The following RARA variants were observed in gnomAD, a reference collection of about 807,000 sequenced individuals.
RARA encodes the protein PML-DDX5-RARA fusion.
Under a neutral mutation model 42.8 loss-of-function variants are expected in RARA, and 5 were observed. The observed-to-expected ratio is 0.12, with a 90% CI of 0.06 to 0.25. The LOEUF is 0.25. RARA is among the 10% of genes least tolerant of loss of function. The pLI is 1.00. For synonymous variants in RARA, 256 were observed against 259.5 expected, an observed-to-expected ratio of 0.99 and a Z score of 0.13; for missense variants, 402 against 628.7, an observed-to-expected ratio of 0.64 and a Z score of 3.86.
Position 40,351,057 on chromosome 17 carries a change from A to G in RARA, c.470-853A>G, listed in dbSNP as rs2034427105. 6.6e-6 allele frequency among the ~76,000 whole-genome samples: 1 copy of G among 151,904 alleles called. No homozygotes were observed. Among genetic ancestry groups the G allele is most frequent in the African/African-American group, 2.4e-5 (1 of 41,324 alleles). On this transcript the variant is annotated intron_variant, in intron 4 of 8. Transcript: ENST00000254066. This position sits in a 1 kb window ranked among gnomAD's most constrained non-coding sequence, Gnocchi z 4.1. ...GGAGCTGAGCAGCTGCCATTTCAAT[A>G]GAATTAAAGCTTCCGAATGATAAAC...
At chr17:40,342,540 A>G in intron 2 of RARA, 2 of 1,315,870 alleles carry the variant, frequency 1.5e-6, no homozygotes, top group Non-Finnish European at 1.9e-6. Flanking sequence ...GCGGACTTAG[A>G]CGCGGGGACT....
chr17:40,338,922 G>C (rs1490876304), intron 2 of RARA, among the ~76,000 whole-genome samples: 6 of 152,164 alleles, frequency 3.9e-5, no homozygotes, highest in Non-Finnish European at 5.9e-5. Flanking sequence ...GGAGGCTGAG[G>C]CATGAGAATT....
In RARA at chr17:40,355,324, G is replaced by T; in HGVS notation, c.1074G>T (p.Ala358=). ...VDMLQEPLLE[A]LKVYVRKRRP... ...TGCTGCAGGAGCCGCTGCTGGAGGC[G>T]CTAAAGGTCTACGTGCGGAAGCGGA... The change falls in exon 8 of 9, where the codon GCG becomes GCT. Residue 358 remains alanine, a synonymous_variant. Coordinates refer to ENST00000254066, the MANE Select transcript of RARA (RefSeq NM_000964.4). This position sits in a 1 kb window ranked among gnomAD's most constrained non-coding sequence, Gnocchi z 4.1. 1 of 1,610,194 alleles carries T rather than the reference G, an allele frequency of 6.2e-7. No individual in the cohort carries two copies. The highest frequency in any genetic ancestry group is 8.5e-7 in the Non-Finnish European group (1 of 1,178,252).
chr17:40,329,733 C>T (rs796513420), intron 1 of RARA, among the ~76,000 whole-genome samples: 1 of 152,198 alleles, frequency 6.6e-6, no homozygotes, highest in African/African-American at 2.4e-5. Context: ...GGATTACAGG[C>T]GTGAGCCACC....
chr17:40,345,779 C>A lies in RARA; in HGVS notation c.179-2537C>A, dbSNP rs945297744. Among the ~76,000 whole-genome samples the A allele has an allele frequency of 3.3e-5, 5 of 152,226 alleles. No homozygotes were observed. Among genetic ancestry groups the A allele is most frequent in the African/African-American group, 1.2e-4 (5 of 41,452 alleles). The stretch of plus-strand genomic sequence containing the variant: ...TCCCCCGTTGGTGTCCCTCCCCACT[C>A]CACCTGTGTGTGCAGGGAGTTATGG... On this transcript the variant is annotated intron_variant, in intron 2 of 8. Coordinates refer to ENST00000254066, the MANE Select transcript of RARA (RefSeq NM_000964.4). This position sits in a 1 kb window ranked among gnomAD's most constrained non-coding sequence, Gnocchi z 4.8.
At position 40,354,144 on chromosome 17, in the gene RARA, C is replaced by T. The variant is rs976661774; in HGVS notation, c.808-158C>T. 1.3e-5 allele frequency among the ~76,000 whole-genome samples: 2 copies of T among 152,314 alleles called. No individual in the cohort carries two copies. The highest frequency in any genetic ancestry group is 2.1e-4 in the South Asian group (1 of 4,824). On this transcript the variant is annotated intron_variant, in intron 6 of 8. Coordinates refer to ENST00000254066, the MANE Select transcript of RARA (RefSeq NM_000964.4). The surrounding 1 kb of genome is among the most constrained non-coding windows in gnomAD (Gnocchi z 4.5). The stretch of plus-strand genomic sequence containing the variant: ...GTGGCTGAGGTATGGATGGTGCAGA[C>T]GTAGAACCTTTCCATCATTGTAGAA...
Position 40,356,863 on chromosome 17 carries a change from CG to C in RARA, c.*642del. 6.4e-6 allele frequency: 1 copy of C among 155,308 alleles called. No homozygotes were observed. Among genetic ancestry groups the C allele is most frequent in the Non-Finnish European group, 1.2e-5 (1 of 81,094 alleles). The allele number at this position is 155,308 out of a possible 1,614,324, so 9.6% of individuals were successfully genotyped here. ...GATCCAGAGCTGGAGGGGGTGGGTC[CG>C]GGGGAGGGAGTGGCTCGGAAGGGGC... On this transcript the variant is annotated 3_prime_UTR_variant, in exon 9 of 9. Transcript: ENST00000254066.
chr17:40,355,414 C>T lies in RARA; in HGVS notation c.1164C>T (p.Ser388=), dbSNP rs763804925. ...LMKITDLRSI[S]AKGAERVITL... is the part of the protein sequence containing the mutation. ...AGATTACTGACCTGCGAAGCATCAG[C>T]GCCAAGGGTGAGGCTCACAGACCTG... The change falls in exon 8 of 9, where the codon AGC becomes AGT. Residue 388 remains serine, a synonymous_variant. Coordinates refer to ENST00000254066, the MANE Select transcript of RARA (RefSeq NM_000964.4). This position sits in a 1 kb window ranked among gnomAD's most constrained non-coding sequence, Gnocchi z 4.1. 1.3e-5 allele frequency: 21 copies of T among 1,613,462 alleles called. No homozygotes were observed. The highest frequency in any genetic ancestry group is 3.3e-4 in the Middle Eastern group (2 of 6,056).
Position 40,357,345 on chromosome 17 carries a change from AAC to A in RARA, c.*1130_*1131del, listed in dbSNP as rs900889212. 6.0e-5 allele frequency: 14 copies of A among 232,026 alleles called. No homozygotes were observed. Among genetic ancestry groups the A allele is most frequent in the East Asian group, 2.4e-4 (4 of 16,420 alleles). The allele number at this position is 232,026 out of a possible 1,614,324, so 14.4% of individuals were successfully genotyped here. A position where few individuals can be genotyped will look rare whatever the true frequency, so the allele number is the denominator to read the frequency against. ...ACACATGCGCGTGCGCACACACACA[AAC>A]ACACACACACTGGACAGTAGATGGG... On this transcript the variant is annotated 3_prime_UTR_variant, in exon 9 of 9. Coordinates refer to ENST00000254066, the MANE Select transcript of RARA (RefSeq NM_000964.4).
intron 1 of RARA, among the ~76,000 whole-genome samples, chr17:40,315,148 A>G (rs1353410814): frequency 2.5e-4 from 32 of 128,560 alleles, no homozygotes; most frequent in Middle Eastern, 3.9e-3. Flanking sequence ...ATATATATAT[A>G]TATATATATA....
intron 2 of RARA, chr17:40,341,042 A>G: frequency 2.5e-6 from 1 of 400,594 alleles, no homozygotes; most frequent in South Asian, 1.2e-4. Flanking sequence ...TAGCATGTAC[A>G]TTTCCATCCT....
In RARA at chr17:40,348,389, C is replaced by A. The variant is rs966051780; in HGVS notation, c.252C>A (p.Ile84=). ...CCTCGCCACCCCCTCTACCCCGCATCTACAAGCCTTGCTTTGTCTGTCAGG... is the reference window on the plus strand; with the variant it reads ...CCTCGCCACCCCCTCTACCCCGCATATACAAGCCTTGCTTTGTCTGTCAGG... The part of the protein sequence containing the change: ...SPPSPPPLPR[I]YKPCFVCQDK... Residue 84 remains isoleucine (I), a synonymous_variant, in exon 3 of 9, where the codon ATC becomes ATA. Transcript: ENST00000254066. The A allele has an allele frequency of 1.2e-6, 2 of 1,613,806 alleles. No homozygotes were observed. Among genetic ancestry groups the A allele is most frequent in the Non-Finnish European group, 1.7e-6 (2 of 1,179,830 alleles).
chr17:40,356,157 G>A lies in RARA; in HGVS notation c.1320G>A (p.Pro440=), dbSNP rs758066997. 3.5e-5 allele frequency: 54 copies of A among 1,552,406 alleles called. No homozygotes were observed. The highest frequency in any genetic ancestry group is 9.5e-5 in the African/African-American group (7 of 73,552). Residue 440 remains proline, a synonymous_variant, in exon 9 of 9, where the codon CCG becomes CCA. Coordinates refer to ENST00000254066, the MANE Select transcript of RARA (RefSeq NM_000964.4). ...GGGACGGGGGTGGCCTGGCCCCCCC[G>A]CCAGGCAGCTGTAGCCCCAGCCTCA... is the stretch of plus-strand genomic sequence containing the variant. ...GGRDGGGLAP[P]PGSCSPSLSP...
chr17:40,328,324 G>T (rs1436741322), intron 1 of RARA, among the ~76,000 whole-genome samples: 1 of 152,082 alleles, frequency 6.6e-6, no homozygotes, highest in Admixed American at 6.5e-5. Flanking sequence ...AGCTTGGGGT[G>T]GAGTGGCAAG....
In RARA at chr17:40,349,838, A is replaced by G; in HGVS notation, c.382A>G (p.Lys128Glu). ...CATGGTGTACACGTGTCACCGGGAC[A>G]AGAACTGCATCATCAACAAGGTGAC... ...KNMVYTCHRDKNCIINKVTRN... is the reference protein window; with the variant it reads ...KNMVYTCHRDENCIINKVTRN... Residue 128 changes from lysine to glutamate, a missense_variant, in exon 4 of 9, where the codon AAG (lysine) becomes GAG (glutamate). Coordinates refer to ENST00000254066, the MANE Select transcript of RARA (RefSeq NM_000964.4). 2 of 1,614,236 alleles carry G rather than the reference A, an allele frequency of 1.2e-6. No homozygotes were observed. The highest frequency in any genetic ancestry group is 1.7e-6 in the Non-Finnish European group (2 of 1,180,042).
chr17:40,331,658 G>A (rs370400668), intron 2 of RARA, among the ~76,000 whole-genome samples: 21 of 152,182 alleles, frequency 1.4e-4, no homozygotes, highest in Non-Finnish European at 2.2e-4. Flanking sequence ...AGTGGCCCTC[G>A]CACCCCTCTT....
chr17:40,331,533 C>G, intron 2 of RARA, 137 bp downstream of exon 2: 1 of 1,112,468 alleles, frequency 9.0e-7, no homozygotes, highest in Non-Finnish European at 1.2e-6. Flanking sequence ...GTTGGGGTGA[C>G]CATCATTTGA....
At position 40,351,379 on chromosome 17, in the gene RARA, G is replaced by A. The variant is rs943865593; in HGVS notation, c.470-531G>A. On this transcript the variant is annotated intron_variant, in intron 4 of 8. Coordinates refer to ENST00000254066, the MANE Select transcript of RARA (RefSeq NM_000964.4). This position sits in a 1 kb window ranked among gnomAD's most constrained non-coding sequence, Gnocchi z 4.1. ...TGGTGTGTGCGGCTCAGCGCCCCTG[G>A]TGATTTGTCAGCTCCCCAGCTAATG... The A allele has an allele frequency of 2.4e-6, 1 of 422,100 alleles. No individual in the cohort carries two copies. The allele number at this position is 422,100 out of a possible 1,614,324, so 26.1% of individuals were successfully genotyped here.
Position 40,320,360 on chromosome 17 carries a change from A to G in RARA, c.-362-10497A>G, listed in dbSNP as rs2033341424. Among the ~76,000 whole-genome samples the G allele has an allele frequency of 6.6e-6, 1 of 152,060 alleles. No homozygotes were observed. Among genetic ancestry groups the G allele is most frequent in the South Asian group, 2.1e-4 (1 of 4,818 alleles). Reference sequence around the variant, plus strand: ...CAGGAAGCCAGCTGTGGGCAGCCCCATCCTGATCACCCATGTGCCTCCCCC... The same window carrying G: ...CAGGAAGCCAGCTGTGGGCAGCCCCGTCCTGATCACCCATGTGCCTCCCCC... On this transcript the variant is annotated intron_variant, in intron 1 of 8. Transcript: ENST00000254066. This position sits in a 1 kb window ranked among gnomAD's most constrained non-coding sequence, Gnocchi z 4.1.
Sources: gnomAD v4.1 joint callset for allele counts (sites outside exome capture counted in the v4.1 genomes callset) on GRCh38, gnomAD v4.1.1 for gene constraint, Gnocchi (gnomAD v3.1) non-coding constraint, MANE v1.5 for transcripts, NCBI Gene and HGNC (gene_info 2026-07-23, HGNC 2026-07-21) for gene names.